AVEN: variants seen among roughly 807,000 people sequenced by gnomAD.
The protein encoded by AVEN is cell death regulator Aven.
AVEN carries 41 observed loss-of-function variants against 38.1 expected under a neutral mutation model. The ratio of observed to expected loss-of-function variants is 1.08; its 90% CI spans 0.84 to 1.40. AVEN has a LOEUF of 1.40. Ranked by LOEUF, AVEN falls within the 40% of genes most tolerant of loss-of-function variation. The pLI, the probability that AVEN is intolerant of heterozygous loss-of-function variation, is 0.00. For synonymous variants in AVEN, 206 were observed against 171.8 expected (o/e 1.20, Z -1.56); for missense variants, 605 against 438.8 (o/e 1.38, Z -3.38).
At position 34,036,973 on chromosome 15, in the gene AVEN, G is replaced by A. The variant is rs1049379928; in HGVS notation, c.267+1807C>T. 3.5e-4 allele frequency among the ~76,000 whole-genome samples: 53 copies of A among 152,188 alleles called. 2 individuals are homozygous for A. The South Asian group carries it at 5.4e-3, about 15-fold the overall frequency. ...AAAAATACAAAATTAGCCGGGCAAG[G>A]TGGCTCATGCCTGTAATCCCAGCTA... On this transcript the variant is annotated intron_variant, in intron 1 of 5. Transcript: ENST00000306730.
At chr15:33,953,810 G>A (rs189460335) in intron 2 of AVEN, among the ~76,000 whole-genome samples, 307 of 152,236 alleles carry the variant, frequency 2.0e-3, no homozygotes, top group Non-Finnish European at 3.8e-3. Context: ...AAACTAAACG[G>A]CTTCTGCACA....
intron 2 of AVEN, among the ~76,000 whole-genome samples, chr15:33,898,867 C>A (rs1174398952): frequency 6.6e-6 from 1 of 152,066 alleles, no homozygotes; most frequent in Non-Finnish European, 1.5e-5. Flanking sequence ...CAGAGGACTT[C>A]ATGGTATTCA....
At chr15:34,038,646 T>C in intron 1 of AVEN, 134 bp downstream of exon 1, 1 of 798,562 alleles carries the variant, frequency 1.3e-6, no homozygotes, top group Non-Finnish European at 1.6e-6. Flanking sequence ...CATCCGCCCG[T>C]CCCGCGCAGG....
intron 2 of AVEN, among the ~76,000 whole-genome samples, chr15:33,883,370 G>A (rs985295350): frequency 6.6e-6 from 1 of 152,070 alleles, no homozygotes; most frequent in African/African-American, 2.4e-5. Context: ...TTGTATCCCA[G>A]TAGTCCATTT....
At chr15:33,948,571 CAAA>C (rs1894597140) in intron 2 of AVEN, among the ~76,000 whole-genome samples, 3 of 152,104 alleles carry the variant, frequency 2.0e-5, no homozygotes, top group East Asian at 3.9e-4. Context: ...AAATGTAAGA[CAAA>C]GAAGTCATCA....
At chr15:33,959,839 T>TA (rs1895096950) in intron 2 of AVEN, among the ~76,000 whole-genome samples, 1 of 152,194 alleles carries the variant, frequency 6.6e-6, no homozygotes, top group African/African-American at 2.4e-5. Flanking sequence ...TGAATCCTAT[T>TA]ACAGCAGAAA....
chr15:33,866,617 G>A lies in AVEN; in HGVS notation c.1085C>T (p.Ser362Phe). The A allele has an allele frequency of 6.2e-7, 1 of 1,612,572 alleles. No individual in the cohort carries two copies. The highest frequency in any genetic ancestry group is 8.5e-7 in the Non-Finnish European group (1 of 1,179,170). Residue 362 changes from serine to phenylalanine, a missense_variant, in exon 6 of 6, where the codon TCC (serine) becomes TTC (phenylalanine). Ser to Phe is a radical substitution (Grantham distance 155). Coordinates refer to ENST00000306730, the MANE Select transcript of AVEN (RefSeq NM_020371.3). The stretch of plus-strand genomic sequence containing the variant: ...CAGGCACTTTTTTTCCCCTTTTTAG[G>A]AAATCATGCTGTCCAACCAGTCTTC... The part of the protein sequence containing the change: ...ELEDWLDSMI[S>F]
At chr15:33,936,180 C>A (rs142450995) in intron 2 of AVEN, among the ~76,000 whole-genome samples, 5 of 151,400 alleles carry the variant, frequency 3.3e-5, no homozygotes, top group East Asian at 3.9e-4. Context: ...TGCCTCTATT[C>A]AGCATCATGC....
At chr15:33,865,745 CTT>C (rs1466998587), downstream of AVEN, 1 of 153,622 alleles carries the variant, frequency 6.5e-6, no homozygotes, top group Non-Finnish European at 1.5e-5. Context: ...AAAACCGACA[CTT>C]TGTCGACACT....
chr15:34,066,228 G>C (rs1900506485), intron 3 of AVEN: 1 of 152,254 alleles, frequency 6.6e-6, no homozygotes, highest in South Asian at 2.1e-4. Context: ...GGGCCTCCGT[G>C]ATGCCAACTG....
At chr15:34,036,563 T>A (rs1466576786) in intron 1 of AVEN, among the ~76,000 whole-genome samples, 1 of 152,128 alleles carries the variant, frequency 6.6e-6, no homozygotes, top group African/African-American at 2.4e-5. Flanking sequence ...CCAAAAATGG[T>A]GTCCTAGCAA....
At chr15:33,904,710 T>C (rs62014481) in intron 2 of AVEN, among the ~76,000 whole-genome samples, 70,020 of 121,038 alleles carry the variant, frequency 0.58, 18,330 homozygotes, top group Middle Eastern at 0.68. Context: ...TATATATATA[T>C]ATATATACAC....
chr15:33,979,608 C>T (rs1371617295), intron 2 of AVEN, among the ~76,000 whole-genome samples: 1 of 152,208 alleles, frequency 6.6e-6, no homozygotes, highest in Middle Eastern at 3.2e-3. Flanking sequence ...TTATGAGCCT[C>T]GGTTTCCTCC....
chr15:33,894,558 C>A (rs1430639761), intron 2 of AVEN, among the ~76,000 whole-genome samples: 1 of 146,468 alleles, frequency 6.8e-6, no homozygotes, highest in African/African-American at 2.6e-5. Context: ...CAGTGGCTCA[C>A]TAGCACTTTG....
At chr15:34,047,972 C>G (rs763298050) in intron 5 of AVEN, among the ~76,000 whole-genome samples, 2 of 152,004 alleles carry the variant, frequency 1.3e-5, no homozygotes, top group East Asian at 1.9e-4. Context: ...ACAATAGGAC[C>G]AAGTGAGTGG....
chr15:33,869,893 C>T (rs942236492), intron 4 of AVEN, among the ~76,000 whole-genome samples: 3 of 151,800 alleles, frequency 2.0e-5, no homozygotes, highest in African/African-American at 7.3e-5. Context: ...GGGCCTCCCC[C>T]TCTCTTAGTT....
At chr15:33,862,412 G>GCCCAGGCTGATCTCGAACT (rs1888621322), downstream of AVEN, among the ~76,000 whole-genome samples, 1 of 151,390 alleles carries the variant, frequency 6.6e-6, no homozygotes, top group Non-Finnish European at 1.5e-5. Context: ...TTGCTGTATT[G>GCCCAGGCTGATCTCGAACT]CCCAGGCTGA....
chr15:33,991,116 A>C (rs1262383461), intron 2 of AVEN: 2 of 152,376 alleles, frequency 1.3e-5, no homozygotes, highest in South Asian at 2.1e-4. Context: ...AAAGATTAGA[A>C]GATAAAGGAC....
intron 4 of AVEN, 48 bp from the exon 5 acceptor site, chr15:33,867,903 ATTGGCT>A (rs1890736238): frequency 1.3e-6 from 2 of 1,521,516 alleles, no homozygotes; most frequent in African/African-American, 1.4e-5. Flanking sequence ...GTCTTGCCAT[ATTGGCT>A]TAAGTAAATA....
Sources: gnomAD v4.1 joint callset for allele counts (sites outside exome capture counted in the v4.1 genomes callset) on GRCh38, gnomAD v4.1.1 for gene constraint, MANE v1.5 for transcripts, NCBI Gene and HGNC (gene_info 2026-07-23, HGNC 2026-07-21) for gene names.